The following SPHKAP variants were observed in gnomAD, a reference collection of about 807,000 sequenced individuals.
SPHKAP encodes the protein A-kinase anchor protein SPHKAP.
SPHKAP carries 67 observed loss-of-function variants against 137.5 expected under a neutral mutation model. The ratio of observed to expected loss-of-function variants is 0.49; its 90% confidence interval spans 0.40 to 0.60. The LOEUF (loss-of-function observed/expected upper bound fraction) is 0.60, where lower values mean the gene tolerates loss of function less well. Ranked by LOEUF, SPHKAP falls within the 20% of genes least tolerant of loss-of-function variation. The pLI, the probability that SPHKAP is intolerant of heterozygous loss-of-function variation, is 0.00. For missense variants in SPHKAP, 2,097 were observed against 2,069.3 expected (o/e 1.01, Z -0.26); for synonymous variants, 813 against 785.3 (o/e 1.04, Z -0.59).
intron 5 of SPHKAP, 48 bp downstream of exon 5, chr2:228,025,346 G>A (rs771909311): frequency 6.2e-7 from 1 of 1,606,662 alleles, no homozygotes; most frequent in Non-Finnish European, 8.5e-7. Context: ...TCTGTGCTGA[G>A]CTAACTATAG....
At chr2:228,027,045 G>T (rs938675129) in intron 4 of SPHKAP, among the ~76,000 whole-genome samples, 1 of 152,098 alleles carries the variant, frequency 6.6e-6, no homozygotes. Flanking sequence ...TTTACATCAG[G>T]GCCCTCACTG....
At chr2:228,156,463 A>G (rs1453878801) in intron 1 of SPHKAP, among the ~76,000 whole-genome samples, 1 of 152,196 alleles carries the variant, frequency 6.6e-6, no homozygotes, top group African/African-American at 2.4e-5. Flanking sequence ...TAAACACTCA[A>G]TCAAAATGGG....
At chr2:228,125,543 A>T (rs1418289541) in intron 2 of SPHKAP, among the ~76,000 whole-genome samples, 1 of 152,240 alleles carries the variant, frequency 6.6e-6, no homozygotes. Flanking sequence ...AACCACATAT[A>T]GTAAGAAGAG....
At chr2:228,177,314 G>T (rs1700773262) in intron 1 of SPHKAP, among the ~76,000 whole-genome samples, 1 of 151,896 alleles carries the variant, frequency 6.6e-6, no homozygotes, top group Non-Finnish European at 1.5e-5. Flanking sequence ...CTAATTCCTA[G>T]TTCCTTTCTC....
Position 228,018,499 on chromosome 2 carries a change from G to A in SPHKAP, c.2355C>T (p.Asn785=). 1 of 1,614,196 alleles carries A rather than the reference G, an allele frequency of 6.2e-7. No homozygotes were observed. Among genetic ancestry groups the A allele is most frequent in the East Asian group, 2.2e-5 (1 of 44,872 alleles). The change falls in exon 7 of 12, where the codon AAC becomes AAT. Residue 785 remains asparagine, a synonymous_variant. Transcript: ENST00000392056. ...TTGAATACATGCCATCCACAAGATT[G>A]TTGATGACAAGACTCGTGTTGTGTG... The part of the protein sequence containing the change: ...SNSHNTSLVI[N]NLVDGMYSKQ...
intron 3 of SPHKAP, among the ~76,000 whole-genome samples, chr2:228,031,799 T>C (rs1424964875): frequency 6.6e-6 from 1 of 152,036 alleles, no homozygotes; most frequent in African/African-American, 2.4e-5. Context: ...TCTAGCAAAC[T>C]CCAACAGACC....
intron 3 of SPHKAP, among the ~76,000 whole-genome samples, chr2:228,038,934 A>G (rs1465151670): frequency 6.6e-6 from 1 of 152,234 alleles, no homozygotes; most frequent in African/African-American, 2.4e-5. Flanking sequence ...GAATTAAATG[A>G]GCTAATAAAC....
chr2:227,999,216 G>C (rs961630962), intron 7 of SPHKAP, among the ~76,000 whole-genome samples: 1 of 152,098 alleles, frequency 6.6e-6, no homozygotes, highest in African/African-American at 2.4e-5. Flanking sequence ...GGTAGGTTTG[G>C]CATTGAGGTG....
At chr2:228,064,045 C>A (rs1450107940) in intron 3 of SPHKAP, among the ~76,000 whole-genome samples, 2 of 152,138 alleles carry the variant, frequency 1.3e-5, no homozygotes, top group African/African-American at 4.8e-5. Flanking sequence ...TTGCTCAGTT[C>A]AATTTCTCTC....
intron 1 of SPHKAP, among the ~76,000 whole-genome samples, chr2:228,140,237 G>A (rs1182627479): frequency 2.0e-5 from 3 of 149,298 alleles, no homozygotes; most frequent in Non-Finnish European, 4.4e-5. Context: ...GTGAGCTACT[G>A]CACCCGGCCT....
At chr2:228,041,673 GAAAA>G (rs1695855828) in intron 3 of SPHKAP, among the ~76,000 whole-genome samples, 22 of 146,316 alleles carry the variant, frequency 1.5e-4, no homozygotes, top group African/African-American at 4.3e-4. Flanking sequence ...AAAGAAAAAA[GAAAA>G]CAGTTCTACA....
At chr2:228,127,697 G>C (rs911490996) in intron 2 of SPHKAP, among the ~76,000 whole-genome samples, 4 of 152,068 alleles carry the variant, frequency 2.6e-5, no homozygotes, top group Admixed American at 6.6e-5. Context: ...GCAGATCCAA[G>C]GATGATCTTG....
In SPHKAP at chr2:228,017,976, A is replaced by G. The variant is rs1694676169; in HGVS notation, c.2878T>C (p.Cys960Arg). 6.2e-7 allele frequency: 1 copy of G among 1,614,036 alleles called. No homozygotes were observed. The highest frequency in any genetic ancestry group is 8.5e-7 in the Non-Finnish European group (1 of 1,180,034). Residue 960 changes from cysteine to arginine, a missense_variant, in exon 7 of 12, where the codon TGT becomes CGT. By Grantham distance (180) the Cys-to-Arg change is radical. Transcript: ENST00000392056. ...DNSSGKQPWF[C>R]AWKRGSEFLM... Reference sequence around the variant, plus strand: ...AACTCACTCCCTCTTTTCCATGCACAAAACCAGGGTTGTTTTCCACTGGAG... The same window carrying G: ...AACTCACTCCCTCTTTTCCATGCACGAAACCAGGGTTGTTTTCCACTGGAG...
At chr2:228,015,326 G>A (rs1484055074) in intron 7 of SPHKAP, among the ~76,000 whole-genome samples, 1 of 151,510 alleles carries the variant, frequency 6.6e-6, no homozygotes, top group African/African-American at 2.4e-5. Context: ...TATCATTGTT[G>A]GACATTTGGG....
chr2:228,103,568 G>C (rs542641065), intron 3 of SPHKAP, among the ~76,000 whole-genome samples: 1 of 152,288 alleles, frequency 6.6e-6, no homozygotes, highest in Non-Finnish European at 1.5e-5. Flanking sequence ...GTGGGGGCTG[G>C]GAGCTGCCTC....
At chr2:228,004,884 T>A (rs1026233563) in intron 7 of SPHKAP, among the ~76,000 whole-genome samples, 2 of 152,236 alleles carry the variant, frequency 1.3e-5, no homozygotes, top group Non-Finnish European at 2.9e-5. Context: ...AGTTTCTTAA[T>A]CCTGAGTTCT....
intron 2 of SPHKAP, among the ~76,000 whole-genome samples, chr2:228,127,865 A>C (rs1699125238): frequency 6.6e-6 from 1 of 152,214 alleles, no homozygotes; most frequent in African/African-American, 2.4e-5. Flanking sequence ...TATAAAAGTT[A>C]TGTCTATATT....
At chr2:228,092,505 TAC>T (rs1348682107) in intron 3 of SPHKAP, among the ~76,000 whole-genome samples, 4 of 54,044 alleles carry the variant, frequency 7.4e-5, no homozygotes, top group Non-Finnish European at 1.6e-4. Flanking sequence ...TATATATGTA[TAC>T]ATATATGTGC....
chr2:228,159,667 G>T (rs1700216906), intron 1 of SPHKAP, among the ~76,000 whole-genome samples: 4 of 152,160 alleles, frequency 2.6e-5, no homozygotes, highest in Admixed American at 2.0e-4. Context: ...TTAAGAAAAT[G>T]GAGATCTGGG....
Sources: gnomAD v4.1 joint callset for allele counts (sites outside exome capture counted in the v4.1 genomes callset) on GRCh38, gnomAD v4.1.1 for gene constraint, MANE v1.5 for transcripts, NCBI Gene and HGNC (gene_info 2026-07-23, HGNC 2026-07-21) for gene names.